The following NIF3L1 variants were observed in gnomAD, a reference collection of about 807,000 sequenced individuals.
The protein encoded by NIF3L1 is NGG1 interacting factor 3 like 1, also known as NIF3-like protein 1.
A neutral mutation model predicts 35.0 loss-of-function variants in NIF3L1; 26 were observed. The observed-to-expected ratio is 0.74, with a 90% confidence interval of 0.54 to 1.03. The LOEUF is 1.03. NIF3L1 is among the 50% of genes least tolerant of loss of function. The pLI is 0.00. For synonymous variants in NIF3L1, 157 were observed against 178.9 expected (o/e 0.88, Z 0.98); for missense variants, 449 against 466.3 (o/e 0.96, Z 0.34).
intron 6 of NIF3L1, among the ~76,000 whole-genome samples, chr2:200,902,776 A>G (rs972811836): frequency 6.6e-6 from 1 of 152,226 alleles, no homozygotes; most frequent in Non-Finnish European, 1.5e-5. Flanking sequence ...CTTACAAAGC[A>G]TAAGTCTGCT....
At chr2:200,891,897 T>C (rs747347405) in intron 1 of NIF3L1, 21 bp from the exon 2 acceptor site, 1 of 1,429,394 alleles carries the variant, frequency 7.0e-7, no homozygotes, top group Non-Finnish European at 9.5e-7. Flanking sequence ...CTGTGTACCA[T>C]TTTCTTTGTT....
chr2:200,894,114 CA>C (rs1358853578), intron 3 of NIF3L1, among the ~76,000 whole-genome samples: 2 of 147,850 alleles, frequency 1.4e-5, no homozygotes, highest in Non-Finnish European at 3.0e-5. Flanking sequence ...GCGGAGGTTG[CA>C]GTGAGCCGAG....
chr2:200,896,712 G>A (rs2040321453), intron 4 of NIF3L1, among the ~76,000 whole-genome samples: 1 of 152,166 alleles, frequency 6.6e-6, no homozygotes, highest in Non-Finnish European at 1.5e-5. Context: ...AGCCTCCCAA[G>A]TAGCTGGGAC....
chr2:200,903,740 C>T lies in NIF3L1; in HGVS notation c.*62C>T. The stretch of plus-strand genomic sequence containing the variant: ...GCTGGATGCCAACTTAAATTTGTAA[C>T]ATGAGTCAGTGGGACTGGTGTGCTT... On this transcript the variant is annotated 3_prime_UTR_variant, in exon 7 of 7. Transcript: ENST00000409020. 9 of 1,359,046 alleles carry T rather than the reference C, an allele frequency of 6.6e-6. No individual in the cohort carries two copies. The highest frequency in any genetic ancestry group is 8.4e-6 in the Non-Finnish European group (8 of 947,896). 84.2% of individuals were successfully genotyped at this position (1,359,046 alleles called of 1,614,324 possible). A position where few individuals can be genotyped will look rare whatever the true frequency, so the allele number is the denominator to read the frequency against.
chr2:200,898,091 A>G (rs1242767783), intron 5 of NIF3L1, among the ~76,000 whole-genome samples: 2 of 152,228 alleles, frequency 1.3e-5, no homozygotes, highest in Non-Finnish European at 1.5e-5. Flanking sequence ...CACATTAAGT[A>G]TAAAGTGCTA....
chr2:200,901,808 C>T (rs1559351858), intron 6 of NIF3L1, among the ~76,000 whole-genome samples: 1 of 152,198 alleles, frequency 6.6e-6, no homozygotes, highest in Admixed American at 6.5e-5. Context: ...GCTATTATTG[C>T]AGGGTCTTCA....
rs2040327915 is a variant in NIF3L1, at chr2:200,897,023, T to C, written c.727-53T>C. 5 of 1,575,732 alleles carry C rather than the reference T, an allele frequency of 3.2e-6. No individual in the cohort carries two copies. The African/African-American group carries it at 5.4e-5, about 17-fold the overall frequency. ...TGTGCATGTTGATGATTTTAGCATT[T>C]GTTGTTTTAGGACTAACAATGCACA... is the stretch of plus-strand genomic sequence containing the variant. On this transcript the variant is annotated intron_variant, in intron 4 of 6. Coordinates refer to ENST00000409020, the MANE Select transcript of NIF3L1 (RefSeq NM_001369441.2).
At chr2:200,893,018 T>A (rs1214633409) in intron 2 of NIF3L1, among the ~76,000 whole-genome samples, 1 of 152,206 alleles carries the variant, frequency 6.6e-6, no homozygotes, top group Non-Finnish European at 1.5e-5. Flanking sequence ...GATTTAAGAA[T>A]CTTTTGGAAA....
chr2:200,898,421 A>C (rs1370516416), intron 5 of NIF3L1, among the ~76,000 whole-genome samples: 3 of 152,164 alleles, frequency 2.0e-5, no homozygotes, highest in Non-Finnish European at 2.9e-5. Flanking sequence ...CAAGAACAGC[A>C]TGGGGGAACT....
rs1304282566 is a variant in NIF3L1, at chr2:200,891,728, T to A, written c.-26-190T>A. The A allele has an allele frequency of 1.6e-5, 9 of 578,722 alleles. No individual in the cohort carries two copies. In the East Asian group the frequency reaches 2.6e-4, roughly 17 times the overall value. 35.8% of individuals were successfully genotyped at this position (578,722 alleles called of 1,614,324 possible). ...TGTGAAGTGGGTTATAGTATCTCTG[T>A]TTCGTAGGTGAGAAAACAAGATTGG... On this transcript the variant is annotated intron_variant, in intron 1 of 6. Coordinates refer to ENST00000409020, the MANE Select transcript of NIF3L1 (RefSeq NM_001369441.2).
Position 200,903,913 on chromosome 2 carries a change from T to C in NIF3L1, c.*235T>C. 1.9e-6 allele frequency: 1 copy of C among 520,190 alleles called. No individual in the cohort carries two copies. Among genetic ancestry groups the C allele is most frequent in the South Asian group, 2.1e-5 (1 of 48,372 alleles). The allele number at this position is 520,190 out of a possible 1,614,324, so 32.2% of individuals were successfully genotyped here. A position where few individuals can be genotyped will look rare whatever the true frequency, so the allele number is the denominator to read the frequency against. ...AAACTCTAGGAAAGATTGAATAAAATCTGTTTACTTAACATTCTTTGGAAG... is the reference window on the plus strand; with the variant it reads ...AAACTCTAGGAAAGATTGAATAAAACCTGTTTACTTAACATTCTTTGGAAG... On this transcript the variant is annotated 3_prime_UTR_variant, in exon 7 of 7. Coordinates refer to ENST00000409020, the MANE Select transcript of NIF3L1 (RefSeq NM_001369441.2).
intron 6 of NIF3L1, among the ~76,000 whole-genome samples, chr2:200,902,754 G>GA (rs2040429112): frequency 1.3e-5 from 2 of 152,128 alleles, no homozygotes; most frequent in Admixed American, 1.3e-4. Flanking sequence ...GTTGACGACA[G>GA]AAATACTGGT....
chr2:200,889,922 G>A (rs2040133508), intron 1 of NIF3L1, among the ~76,000 whole-genome samples: 1 of 152,190 alleles, frequency 6.6e-6, no homozygotes, highest in African/African-American at 2.4e-5. Context: ...TGTCGTTGTT[G>A]ACTGTGGCCA....
intron 5 of NIF3L1, among the ~76,000 whole-genome samples, chr2:200,898,215 C>G (rs1212846246): frequency 1.3e-5 from 2 of 152,116 alleles, no homozygotes; most frequent in Non-Finnish European, 2.9e-5. Context: ...TGAAGAAATA[C>G]CTGAGACTAG....
intron 4 of NIF3L1, 51 bp from the exon 5 acceptor site, chr2:200,897,025 T>C (rs761619557): frequency 7.6e-6 from 12 of 1,584,030 alleles, no homozygotes; most frequent in Non-Finnish European, 1.0e-5. Context: ...TTAGCATTTG[T>C]TGTTTTAGGA....
intron 6 of NIF3L1, among the ~76,000 whole-genome samples, chr2:200,902,801 T>A (rs1409355887): frequency 2.0e-5 from 3 of 152,226 alleles, no homozygotes; most frequent in Non-Finnish European, 4.4e-5. Flanking sequence ...AGTATACATA[T>A]AATTTCCTCC....
rs1384494331 is a variant in NIF3L1 at position 200,893,365 on chromosome 2, G to C, written c.556G>C (p.Val186Leu). The change falls in exon 3 of 7, where the codon GTG becomes CTG. Residue 186 changes from valine (V) to leucine (L), a missense_variant. Transcript: ENST00000409020. Reference sequence around the variant, plus strand: ...AGACCTGGACAAAGTCATGTCTGCAGTGAAAGGAATTGACGGTGTTTCTGT... The same window carrying C: ...AGACCTGGACAAAGTCATGTCTGCACTGAAAGGAATTGACGGTGTTTCTGT... ...TQDLDKVMSA[V>L]KGIDGVSVTS... is the part of the protein sequence containing the mutation. 1.2e-6 allele frequency: 2 copies of C among 1,613,850 alleles called. No individual in the cohort carries two copies. The highest frequency in any genetic ancestry group is 2.7e-5 in the African/African-American group (2 of 74,872).
intron 4 of NIF3L1, among the ~76,000 whole-genome samples, chr2:200,895,831 T>G (rs2040299497): frequency 6.6e-6 from 1 of 152,192 alleles, no homozygotes; most frequent in African/African-American, 2.4e-5. Context: ...GATTTCTATC[T>G]TTACTTTTTG....
intron 6 of NIF3L1, among the ~76,000 whole-genome samples, chr2:200,900,940 T>G (rs1575139401): frequency 6.6e-6 from 1 of 152,216 alleles, no homozygotes; most frequent in East Asian, 1.9e-4. Flanking sequence ...TCTATACACA[T>G]TTGTGTTTGC....
Sources: gnomAD v4.1 joint callset for allele counts (sites outside exome capture counted in the v4.1 genomes callset) on GRCh38, gnomAD v4.1.1 for gene constraint, MANE v1.5 for transcripts, NCBI Gene and HGNC (gene_info 2026-07-23, HGNC 2026-07-21) for gene names.